ATRNL1: variants seen among roughly 807,000 people sequenced by gnomAD.
ATRNL1 encodes the protein attractin-like protein 1.
In ATRNL1, 95 loss-of-function variants were observed where a neutral mutation model predicts 182.7. That is an observed-to-expected ratio of 0.52 (90% confidence interval 0.44 to 0.62). The LOEUF (loss-of-function observed/expected upper bound fraction) is 0.62, where lower values mean the gene tolerates loss of function less well. Ranked by LOEUF, ATRNL1 falls within the 20% of genes least tolerant of loss-of-function variation. The pLI is 0.00. For synonymous variants in ATRNL1, 576 were observed against 568.3 expected, an observed-to-expected ratio of 1.01 and a Z score of -0.19; for missense variants, 1,471 against 1,679.5, an observed-to-expected ratio of 0.88 and a Z score of 2.17.
intron 1 of ATRNL1, among the ~76,000 whole-genome samples, chr10:115,104,018 C>G (rs2143457064): frequency 6.6e-6 from 1 of 152,260 alleles, no homozygotes; most frequent in East Asian, 1.9e-4. Flanking sequence ...GTACAGCTGT[C>G]TCTTCAATAT....
intron 27 of ATRNL1, among the ~76,000 whole-genome samples, chr10:115,772,313 C>A (rs1949012895): frequency 6.6e-6 from 1 of 152,102 alleles, no homozygotes; most frequent in African/African-American, 2.4e-5. Flanking sequence ...AATATTTAGG[C>A]AACTAATTAC....
intron 23 of ATRNL1, among the ~76,000 whole-genome samples, chr10:115,468,333 G>T (rs577054216): frequency 1.9e-4 from 28 of 150,862 alleles, no homozygotes; most frequent in Admixed American, 1.6e-3. Context: ...AAGACATCAC[G>T]TGTTCTTTCA....
At chr10:115,271,361 G>A (rs1321128938) in intron 13 of ATRNL1, among the ~76,000 whole-genome samples, 2 of 151,978 alleles carry the variant, frequency 1.3e-5, no homozygotes, top group East Asian at 3.9e-4. Context: ...GTATACATGT[G>A]CCATGTTGGT....
intron 8 of ATRNL1, among the ~76,000 whole-genome samples, chr10:115,177,924 G>GTTTTTTTTTTT (rs587742941): frequency 2.4e-5 from 2 of 81,764 alleles, no homozygotes; most frequent in Admixed American, 1.6e-4. Context: ...TTTTTTTTTT[G>GTTTTTTTTTTT]TTTTTTTTTT....
chr10:115,098,714 C>G (rs1554863859), intron 1 of ATRNL1, among the ~76,000 whole-genome samples: 1 of 151,956 alleles, frequency 6.6e-6, no homozygotes, highest in African/African-American at 2.4e-5. Context: ...GCCTCGGCCT[C>G]CTAAAGTGCT....
In ATRNL1 at chr10:115,440,933, G is replaced by A. The variant is rs142457219; in HGVS notation, c.3322+14631G>A. ...TATTCTCAAACCTTTATCTGCACCA[G>A]CTAATAATTTTACCTCCTACTTCAT... On this transcript the variant is annotated intron_variant, in intron 21 of 28. Transcript: ENST00000355044. Among the ~76,000 whole-genome samples the A allele has an allele frequency of 7.0e-3, 1,070 of 151,854 alleles. 10 individuals are homozygous for A. Among genetic ancestry groups the A allele is most frequent in the African/African-American group, 0.023 (971 of 41,484 alleles).
At chr10:115,664,821 A>T (rs1301468684) in intron 26 of ATRNL1, among the ~76,000 whole-genome samples, 2 of 152,084 alleles carry the variant, frequency 1.3e-5, no homozygotes, top group African/African-American at 4.8e-5. Context: ...TTACTTTTAA[A>T]TTTACCTAAC....
chr10:115,630,860 A>G (rs906345002), intron 26 of ATRNL1, among the ~76,000 whole-genome samples: 1 of 147,652 alleles, frequency 6.8e-6, no homozygotes, highest in Admixed American at 6.8e-5. Context: ...ACACACACAC[A>G]CACACACACA....
At chr10:115,611,412 G>A (rs901036598) in intron 26 of ATRNL1, among the ~76,000 whole-genome samples, 1 of 151,936 alleles carries the variant, frequency 6.6e-6, no homozygotes, top group Non-Finnish European at 1.5e-5. Context: ...TTAAACAGAG[G>A]TAGATATATT....
chr10:115,349,760 A>G (rs1219897616), intron 19 of ATRNL1, among the ~76,000 whole-genome samples: 4 of 152,140 alleles, frequency 2.6e-5, no homozygotes, highest in Non-Finnish European at 1.5e-5. Context: ...CTTTTGAGAA[A>G]TGTCTCTTCA....
intron 25 of ATRNL1, among the ~76,000 whole-genome samples, chr10:115,528,015 TTCCTTCCTTCCC>T (rs1851338263): frequency 1.6e-5 from 1 of 64,444 alleles, no homozygotes; most frequent in Non-Finnish European, 3.0e-5. Context: ...CCTTCCTTCC[TTCCTTCCTTCCC>T]TCCTTCCTTT....
intron 1 of ATRNL1, among the ~76,000 whole-genome samples, chr10:115,107,351 C>T (rs1016905730): frequency 3.9e-5 from 6 of 152,204 alleles, no homozygotes; most frequent in Non-Finnish European, 1.5e-5. Flanking sequence ...GTAACAGGCC[C>T]CAAATAAGTC....
At chr10:115,388,874 C>T (rs1042102406) in intron 19 of ATRNL1, among the ~76,000 whole-genome samples, 19 of 151,942 alleles carry the variant, frequency 1.3e-4, no homozygotes, top group African/African-American at 4.1e-4. Context: ...TAAAATGTGG[C>T]ATTTACATTT....
chr10:115,224,894 C>T (rs1350961552), intron 9 of ATRNL1, among the ~76,000 whole-genome samples: 2 of 151,972 alleles, frequency 1.3e-5, no homozygotes, highest in Non-Finnish European at 2.9e-5. Flanking sequence ...CAAAACAAAA[C>T]AAATTCTCCA....
At chr10:115,314,926 A>C (rs1854219557) in intron 17 of ATRNL1, among the ~76,000 whole-genome samples, 1 of 152,200 alleles carries the variant, frequency 6.6e-6, no homozygotes, top group Non-Finnish European at 1.5e-5. Context: ...GAAGGAGAGT[A>C]CCAGGTTTTC....
intron 28 of ATRNL1, among the ~76,000 whole-genome samples, chr10:115,886,379 T>C (rs750850305): frequency 4.6e-5 from 7 of 152,108 alleles, no homozygotes; most frequent in Non-Finnish European, 1.0e-4. Flanking sequence ...CCGGGTGTGG[T>C]GGCGCATGCC....
intron 18 of ATRNL1, among the ~76,000 whole-genome samples, chr10:115,331,032 C>A (rs1554934894): frequency 1.3e-5 from 2 of 150,020 alleles, no homozygotes; most frequent in Middle Eastern, 3.2e-3. Context: ...GATTCTTCTG[C>A]TTTGTCATTC....
chr10:115,093,463 C>G lies in ATRNL1; in HGVS notation c.-288C>G. On this transcript the variant is annotated 5_prime_UTR_variant, in exon 1 of 29. Coordinates refer to ENST00000355044, the MANE Select transcript of ATRNL1 (RefSeq NM_207303.4). The surrounding 1 kb of genome is among the most constrained non-coding windows in gnomAD (Gnocchi z 6.1). Reference sequence around the variant, plus strand: ...AGCGCCGGGCGCAGTCTGCGCCTCCCGCTCCCCGCCTCCGGCCGGGTCCGG... The same window carrying G: ...AGCGCCGGGCGCAGTCTGCGCCTCCGGCTCCCCGCCTCCGGCCGGGTCCGG... The G allele has an allele frequency of 3.5e-6, 2 of 567,340 alleles. No homozygotes were observed. Among genetic ancestry groups the G allele is most frequent in the Non-Finnish European group, 6.4e-6 (2 of 312,004 alleles). 35.1% of individuals were successfully genotyped at this position (567,340 alleles called of 1,614,324 possible).
chr10:115,556,084 T>A (rs923126131), intron 26 of ATRNL1, among the ~76,000 whole-genome samples: 5 of 151,982 alleles, frequency 3.3e-5, no homozygotes, highest in Non-Finnish European at 7.4e-5. Flanking sequence ...GTTGGTTTCA[T>A]AATGGACCAC....
Sources: gnomAD v4.1 joint callset for allele counts (sites outside exome capture counted in the v4.1 genomes callset) on GRCh38, gnomAD v4.1.1 for gene constraint, Gnocchi (gnomAD v3.1) non-coding constraint, MANE v1.5 for transcripts, NCBI Gene and HGNC (gene_info 2026-07-23, HGNC 2026-07-21) for gene names.